The following CPNE7 variants were observed in gnomAD, a reference collection of about 807,000 sequenced individuals.
The protein encoded by CPNE7 is copine-7.
CPNE7 carries 78 observed loss-of-function variants against 66.5 expected under a neutral mutation model. The ratio of observed to expected loss-of-function variants is 1.17; its 90% CI spans 0.98 to 1.42. The LOEUF (loss-of-function observed/expected upper bound fraction) is 1.42. Among genes scored for constraint, CPNE7 ranks in the 40% most tolerant of loss-of-function variants. The pLI, the probability that CPNE7 is intolerant of heterozygous loss-of-function variation, is 0.00. For synonymous variants in CPNE7, 468 were observed against 336.7 expected, an observed-to-expected ratio of 1.39 and a Z score of -4.27; for missense variants, 1,012 against 776.6, an observed-to-expected ratio of 1.30 and a Z score of -3.60.
chr16:89,596,155 A>G (rs2059251903), intron 14 of CPNE7, among the ~76,000 whole-genome samples: 1 of 152,260 alleles, frequency 6.6e-6, no homozygotes, highest in Admixed American at 6.5e-5. Context: ...CATATTACAG[A>G]CACATGAAGC....
rs555495600 is a variant in CPNE7, at chr16:89,590,454, G to A, written c.1116+503G>A. Among the ~76,000 whole-genome samples, 163 of 152,206 alleles carry A rather than the reference G, an allele frequency of 1.1e-3. 1 individual carries two copies. The highest frequency in any genetic ancestry group is 3.6e-3 in the African/African-American group (151 of 41,528). On this transcript the variant is annotated intron_variant, in intron 11 of 14. Coordinates refer to ENST00000319518, the MANE Select transcript of CPNE7 (RefSeq NM_153636.3). ...GCAAGAGAATTGCTTGAACCCGGGAGGCAGAGGTTGCACTGAGCTGAGATC... is the reference window on the plus strand; with the variant it reads ...GCAAGAGAATTGCTTGAACCCGGGAAGCAGAGGTTGCACTGAGCTGAGATC...
At position 89,589,897 on chromosome 16, in the gene CPNE7, T is replaced by C. The variant is rs1348707986; in HGVS notation, c.1062T>C (p.Ser354=). ...SVGEICQDYD[S]DKRFSALGFG... is the part of the protein sequence containing the mutation. ...TGGTGACCTCCTGCCTCTCTTCCAG[T>C]GACAAGAGGTTTTCCGCTTTGGGGT... Residue 354 remains serine, a splice_region_variant and synonymous_variant, in exon 11 of 15, where the codon AGT becomes AGC. Coordinates refer to ENST00000319518, the MANE Select transcript of CPNE7 (RefSeq NM_153636.3). 4.3e-6 allele frequency: 7 copies of C among 1,613,594 alleles called. No homozygotes were observed. The highest frequency in any genetic ancestry group is 1.6e-4 in the Middle Eastern group (1 of 6,082).
rs141991334 is a variant in CPNE7 at position 89,586,729 on chromosome 16, A to T, written c.840A>T (p.Ser280=). 6.1e-5 allele frequency: 98 copies of T among 1,612,848 alleles called. No individual in the cohort carries two copies. The African/African-American group carries it at 1.1e-3, about 18-fold the overall frequency. The change falls in exon 8 of 15, where the codon TCA becomes TCT. Residue 280 remains serine (S), a synonymous_variant. Coordinates refer to ENST00000319518, the MANE Select transcript of CPNE7 (RefSeq NM_153636.3). ...AGAAGAGACGCAGTTATAAGAACTC[A>T]GGAGTGGTCGTCCTGGCTGACCTCA... The part of the protein sequence containing the change: ...YKQKRRSYKN[S]GVVVLADLKF...
At chr16:89,585,960 GGAGGAGCA>G (rs2059031300) in intron 7 of CPNE7, among the ~76,000 whole-genome samples, 175 bp downstream of exon 7, 1 of 118,802 alleles carries the variant, frequency 8.4e-6, no homozygotes, top group Non-Finnish European at 1.8e-5. Flanking sequence ...GCACCTCTGG[GGAGGAGCA>G]GGTTGGGGGG....
chr16:89,584,739 G>C lies in CPNE7; in HGVS notation c.508-35G>C. On this transcript the variant is annotated intron_variant, in intron 4 of 14. Transcript: ENST00000319518. This position sits in a 1 kb window ranked among gnomAD's most constrained non-coding sequence, Gnocchi z 6.0. ...CTCCCATCCAAAGCCCGATCTCACAGTGCCTGGCCCAGCAGCCCTTGTGCC... is the reference window on the plus strand; with the variant it reads ...CTCCCATCCAAAGCCCGATCTCACACTGCCTGGCCCAGCAGCCCTTGTGCC... 1.3e-6 allele frequency: 2 copies of C among 1,544,938 alleles called. No homozygotes were observed. The highest frequency in any genetic ancestry group is 1.8e-6 in the Non-Finnish European group (2 of 1,120,200).
intron 9 of CPNE7, among the ~76,000 whole-genome samples, chr16:89,588,457 G>A (rs555307270): frequency 8.9e-4 from 136 of 152,236 alleles, no homozygotes; most frequent in South Asian, 1.5e-3. Context: ...GTGTCCTCCC[G>A]GAGATCCAGG....
rs111878556 is a variant in CPNE7, at chr16:89,586,806, G to A, written c.867+50G>A. The A allele has an allele frequency of 1.3e-4, 188 of 1,485,616 alleles. 1 individual carries two copies. Among genetic ancestry groups the A allele is most frequent in the South Asian group, 1.0e-3 (91 of 88,102 alleles). The allele number at this position is 1,485,616 out of a possible 1,614,324, so 92.0% of individuals were successfully genotyped here. On this transcript the variant is annotated intron_variant, in intron 8 of 14. Coordinates refer to ENST00000319518, the MANE Select transcript of CPNE7 (RefSeq NM_153636.3). Reference sequence around the variant, plus strand: ...CTCCCCACCCACAAGAGGGGCTTCCGCTGCCTCCCTCTGATTGTTGGATGG... The same window carrying A: ...CTCCCCACCCACAAGAGGGGCTTCCACTGCCTCCCTCTGATTGTTGGATGG...
rs112303328 is a variant in CPNE7, at chr16:89,587,744, GCC to G, written c.927+646_927+647del. ...CCCCCGTGTCACCCACAGATACACGGCCCCCGTGTCACCCGCGTGTCACCCAC... is the reference window on the plus strand; with the variant it reads ...CCCCCGTGTCACCCACAGATACACGGCCCGTGTCACCCGCGTGTCACCCAC... On this transcript the variant is annotated intron_variant, in intron 9 of 14. Transcript: ENST00000319518. 2.2e-5 allele frequency: 2 copies of G among 90,628 alleles called. 1 individual carries two copies. The highest frequency in any genetic ancestry group is 1.6e-4 in the African/African-American group (2 of 12,818). 5.6% of individuals were successfully genotyped at this position (90,628 alleles called of 1,614,324 possible).
At chr16:89,576,315 T>A (rs996343162) in intron 1 of CPNE7, among the ~76,000 whole-genome samples, 1 of 147,734 alleles carries the variant, frequency 6.8e-6, no homozygotes, top group Admixed American at 6.7e-5. Context: ...GAGAGGGGGG[T>A]GCCCCGCAGT....
rs2058996637 is a variant in CPNE7 at position 89,584,023 on chromosome 16, G to A, written c.433-5G>A. On this transcript the variant is annotated splice_region_variant and splice_polypyrimidine_tract_variant and intron_variant, in intron 3 of 14. Transcript: ENST00000319518. The surrounding 1 kb of genome is among the most constrained non-coding windows in gnomAD (Gnocchi z 6.0). ...AAGCCTGGAGCCCGGGCGTCCCCCT[G>A]CCAGGTGATCGCCGAGGACATCTCG... 2 of 1,611,922 alleles carry A rather than the reference G, an allele frequency of 1.2e-6. No individual in the cohort carries two copies. The highest frequency in any genetic ancestry group is 8.5e-7 in the Non-Finnish European group (1 of 1,179,570).
intron 7 of CPNE7, among the ~76,000 whole-genome samples, chr16:89,586,029 AG>A: frequency 4.7e-5 from 1 of 21,450 alleles, no homozygotes; most frequent in Non-Finnish European, 8.8e-5. Context: ...GGCAGTTAGC[AG>A]GGGGAGGGGG....
At chr16:89,594,574 G>C (rs2059222976) in intron 13 of CPNE7, among the ~76,000 whole-genome samples, 1 of 150,942 alleles carries the variant, frequency 6.6e-6, no homozygotes. Flanking sequence ...TCCACAGTTT[G>C]GGCAAGATTA....
intron 10 of CPNE7, 52 bp downstream of exon 10, chr16:89,588,860 G>C (rs1345828191): frequency 3.1e-6 from 5 of 1,602,224 alleles, no homozygotes; most frequent in Non-Finnish European, 3.4e-6. Flanking sequence ...AGCTATGACA[G>C]GTGCGCCTGG....
intron 1 of CPNE7, among the ~76,000 whole-genome samples, chr16:89,576,988 C>T (rs1395579024): frequency 3.3e-5 from 5 of 152,252 alleles, no homozygotes; most frequent in African/African-American, 1.2e-4. Context: ...TGCCCGCACC[C>T]TCAGAGCGTG....
At chr16:89,585,587 G>T in intron 6 of CPNE7, 34 bp downstream of exon 6, 1 of 1,588,936 alleles carries the variant, frequency 6.3e-7, no homozygotes, top group Non-Finnish European at 8.6e-7. Context: ...GGGCAGTGAG[G>T]GGGTGGCCTG....
At chr16:89,585,039 G>GGGA in intron 5 of CPNE7, among the ~76,000 whole-genome samples, 182 bp downstream of exon 5, 2 of 152,180 alleles carry the variant, frequency 1.3e-5, no homozygotes, top group Non-Finnish European at 2.9e-5. Context: ...TGGGGGCCGT[G>GGGA]GCTGTGGCCA....
At chr16:89,576,504 TGCGGA>T (rs912334950) in intron 1 of CPNE7, among the ~76,000 whole-genome samples, 9 of 151,704 alleles carry the variant, frequency 5.9e-5, no homozygotes, top group African/African-American at 2.2e-4. Flanking sequence ...CGCGCTGGGG[TGCGGA>T]CCTCCAGGCG....
intron 1 of CPNE7, among the ~76,000 whole-genome samples, chr16:89,577,106 T>A (rs1036691469): frequency 6.6e-6 from 1 of 152,192 alleles, no homozygotes; most frequent in Non-Finnish European, 1.5e-5. Flanking sequence ...TACGGGGCAG[T>A]TGGACCAGGG....
intron 14 of CPNE7, chr16:89,595,828 A>C (rs777207063): frequency 4.5e-6 from 3 of 669,658 alleles, no homozygotes; most frequent in African/African-American, 3.5e-5. Context: ...ATCTACACAA[A>C]AGCAGAGAAC....
Sources: allele counts gnomAD v4.1 joint callset (sites outside exome capture counted in the v4.1 genomes callset), GRCh38; gene constraint gnomAD v4.1.1; non-coding constraint Gnocchi (gnomAD v3.1); transcripts MANE v1.5; gene names NCBI Gene and HGNC (gene_info 2026-07-23, HGNC 2026-07-21).